Variants in ADAMTS12 observed in about 807,000 individuals in gnomAD.
ADAMTS12 encodes the protein ADAM metallopeptidase with thrombospondin type 1 motif 12.
In ADAMTS12, 118 loss-of-function variants were observed where a neutral mutation model predicts 167.8. That is an observed-to-expected ratio of 0.70 (90% CI 0.61 to 0.82). The LOEUF is 0.82. Among genes scored for constraint, ADAMTS12 ranks in the 40% least tolerant of loss-of-function variants. The pLI, the probability that ADAMTS12 is intolerant of heterozygous loss-of-function variation, is 0.00. For synonymous variants in ADAMTS12, 704 were observed against 716.9 expected, an observed-to-expected ratio of 0.98 and a Z score of 0.29; for missense variants, 1,916 against 1,998.8, an observed-to-expected ratio of 0.96 and a Z score of 0.79.
intron 14 of ADAMTS12, among the ~76,000 whole-genome samples, chr5:33,616,587 T>C (rs996405737): frequency 5.3e-5 from 8 of 152,200 alleles, no homozygotes; most frequent in Non-Finnish European, 1.2e-4. Flanking sequence ...GAATCTCAGA[T>C]TGTTTGCCAC....
At chr5:33,875,277 C>A (rs1173228929) in intron 2 of ADAMTS12, among the ~76,000 whole-genome samples, 1 of 152,042 alleles carries the variant, frequency 6.6e-6, no homozygotes, top group Non-Finnish European at 1.5e-5. Flanking sequence ...TTGGTCCAAA[C>A]CTATAGAATG....
intron 2 of ADAMTS12, among the ~76,000 whole-genome samples, chr5:33,789,509 T>C (rs537830367): frequency 2.6e-5 from 4 of 152,354 alleles, no homozygotes; most frequent in African/African-American, 9.6e-5. Flanking sequence ...GGGAGGTTTC[T>C]GCACTTCCCT....
intron 5 of ADAMTS12, among the ~76,000 whole-genome samples, chr5:33,674,172 G>C (rs1251124064): frequency 6.6e-6 from 1 of 152,170 alleles, no homozygotes; most frequent in African/African-American, 2.4e-5. Flanking sequence ...AAGGAGAAAA[G>C]GGAGAGAATA....
At chr5:33,631,061 C>T in intron 12 of ADAMTS12, 148 bp from the exon 13 acceptor site, 1 of 835,236 alleles carries the variant, frequency 1.2e-6, no homozygotes, top group Non-Finnish European at 1.8e-6. Context: ...CTGAAATATG[C>T]CTCAAGACAC....
At chr5:33,611,772 A>G (rs1187425214) in intron 16 of ADAMTS12, among the ~76,000 whole-genome samples, 1 of 152,224 alleles carries the variant, frequency 6.6e-6, no homozygotes, top group Non-Finnish European at 1.5e-5. Flanking sequence ...GATAGCTATG[A>G]AGATTATCTA....
chr5:33,601,657 C>T (rs1738195384), intron 16 of ADAMTS12, among the ~76,000 whole-genome samples: 1 of 152,142 alleles, frequency 6.6e-6, no homozygotes, highest in African/African-American at 2.4e-5. Context: ...CTCAAAAGAA[C>T]ATTGACATTG....
At chr5:33,887,764 T>A (rs1750688699) in intron 1 of ADAMTS12, among the ~76,000 whole-genome samples, 1 of 152,110 alleles carries the variant, frequency 6.6e-6, no homozygotes, top group Non-Finnish European at 1.5e-5. Flanking sequence ...TTCTTTTTTT[T>A]TTTTTGAGAC....
At chr5:33,834,173 G>C (rs1294942267) in intron 2 of ADAMTS12, among the ~76,000 whole-genome samples, 1 of 152,234 alleles carries the variant, frequency 6.6e-6, no homozygotes, top group East Asian at 1.9e-4. Context: ...ATTAAGGTCT[G>C]ATTTTAAGTT....
intron 23 of ADAMTS12, 49 bp downstream of exon 23, chr5:33,534,784 G>T: frequency 6.4e-7 from 1 of 1,565,304 alleles, no homozygotes; most frequent in South Asian, 1.2e-5. Flanking sequence ...CATGCAGGAT[G>T]ACATTTGTGC....
rs757981903 is a variant in ADAMTS12, at chr5:33,561,027, C to A, written c.4125G>T (p.Lys1375Asn). 6.2e-7 allele frequency: 1 copy of A among 1,614,014 alleles called. No homozygotes were observed. Among genetic ancestry groups the A allele is most frequent in the African/African-American group, 1.3e-5 (1 of 75,004 alleles). ...GACTCTGCCAAGCCTGATAAGTTACCTTGCTCCAGTTTCCCACTTTCCAGC... is the reference window on the plus strand; with the variant it reads ...GACTCTGCCAAGCCTGATAAGTTACATTGCTCCAGTTTCCCACTTTCCAGC... ...CAGWKVGNWS[K>N]CSRNCSGGFK... Residue 1375 changes from lysine to asparagine, a missense_variant and splice_region_variant, in exon 20 of 24, where the codon AAG becomes AAT. Physicochemically the swap from Lys to Asn is moderately conservative, Grantham distance 94. Coordinates refer to ENST00000504830, the MANE Select transcript of ADAMTS12 (RefSeq NM_030955.4).
At chr5:33,864,365 T>C (rs996951743) in intron 2 of ADAMTS12, among the ~76,000 whole-genome samples, 2 of 152,076 alleles carry the variant, frequency 1.3e-5, no homozygotes, top group East Asian at 1.9e-4. Flanking sequence ...TGTAGAGAAA[T>C]AGGAATGCTT....
intron 2 of ADAMTS12, among the ~76,000 whole-genome samples, chr5:33,755,658 C>T (rs1236468083): frequency 1.3e-5 from 2 of 152,252 alleles, no homozygotes; most frequent in African/African-American, 2.4e-5. Flanking sequence ...GCTGTTGTGC[C>T]TTCTGGAGTA....
chr5:33,601,151 CACA>C lies in ADAMTS12; in HGVS notation c.2528-5094_2528-5092del, dbSNP rs559517842. Among the ~76,000 whole-genome samples, 459 of 144,928 alleles carry C rather than the reference CACA, an allele frequency of 3.2e-3. 2 individuals are homozygous for C. Among genetic ancestry groups the C allele is most frequent in the Non-Finnish European group, 4.2e-3 (279 of 65,714 alleles). On this transcript the variant is annotated intron_variant, in intron 16 of 23. Transcript: ENST00000504830. ...TGTGTGTGTGTGTGTGATCAACAAT[CACA>C]ACATCGACAGCACCATCAAAACTGG...
At chr5:33,586,386 G>A (rs1747354454) in intron 18 of ADAMTS12, among the ~76,000 whole-genome samples, 1 of 152,228 alleles carries the variant, frequency 6.6e-6, no homozygotes, top group Admixed American at 6.5e-5. Context: ...TCTTCTGAAT[G>A]AGGGCATTGG....
intron 18 of ADAMTS12, 108 bp downstream of exon 18, chr5:33,588,491 C>T: frequency 7.5e-7 from 1 of 1,335,502 alleles, no homozygotes. Flanking sequence ...TGAACACTGG[C>T]TATTTTGCAA....
intron 2 of ADAMTS12, among the ~76,000 whole-genome samples, chr5:33,784,208 C>T (rs562603916): frequency 2.0e-5 from 3 of 151,740 alleles, no homozygotes; most frequent in Non-Finnish European, 4.4e-5. Flanking sequence ...GAATTTTCAA[C>T]CTTATAAAAG....
intron 14 of ADAMTS12, among the ~76,000 whole-genome samples, chr5:33,619,973 G>A (rs1300157839): frequency 2.6e-5 from 4 of 152,172 alleles, no homozygotes; most frequent in South Asian, 2.1e-4. Context: ...GATTACAGGC[G>A]TGAGCCACTG....
intron 2 of ADAMTS12, among the ~76,000 whole-genome samples, chr5:33,860,334 T>G (rs1749562225): frequency 6.6e-6 from 1 of 152,072 alleles, no homozygotes; most frequent in Admixed American, 6.5e-5. Context: ...CTGATGGAGC[T>G]GAAAAACACA....
intron 2 of ADAMTS12, among the ~76,000 whole-genome samples, chr5:33,796,512 C>T (rs1277039297): frequency 1.3e-5 from 2 of 152,184 alleles, no homozygotes; most frequent in East Asian, 3.9e-4. Flanking sequence ...AAAGGTGTTG[C>T]TCACTGACAT....
Sources: gnomAD v4.1 joint callset for allele counts (sites outside exome capture counted in the v4.1 genomes callset) on GRCh38, gnomAD v4.1.1 for gene constraint, MANE v1.5 for transcripts, NCBI Gene and HGNC (gene_info 2026-07-23, HGNC 2026-07-21) for gene names.